Variants in RAB31 observed in about 807,000 individuals in gnomAD.
The protein encoded by RAB31 is RAB31, member RAS oncogene family.
RAB31 carries 21 observed loss-of-function variants against 25.6 expected under a neutral mutation model. The ratio of observed to expected loss-of-function variants is 0.82; its 90% CI spans 0.58 to 1.18. The LOEUF (loss-of-function observed/expected upper bound fraction) is 1.18, where lower values mean the gene tolerates loss of function less well. RAB31 is among the 50% of genes most tolerant of loss of function. RAB31 has a pLI of 0.00. For missense variants in RAB31, 196 were observed against 250.1 expected (o/e 0.78, Z 1.46); for synonymous variants, 87 against 84.0 (o/e 1.04, Z -0.20).
chr18:9,855,277 C>T (rs899453690), intron 6 of RAB31, among the ~76,000 whole-genome samples: 2 of 152,142 alleles, frequency 1.3e-5, no homozygotes, highest in African/African-American at 2.4e-5. Context: ...TTAAACTTCT[C>T]CTAGACAGCA....
At chr18:9,744,196 G>A (rs1366836790) in intron 1 of RAB31, among the ~76,000 whole-genome samples, 2 of 152,028 alleles carry the variant, frequency 1.3e-5, no homozygotes, top group Non-Finnish European at 2.9e-5. Flanking sequence ...ATTGTGTAGA[G>A]CATACCCTTC....
At chr18:9,830,515 G>A (rs1336714018) in intron 5 of RAB31, 1 of 151,934 alleles carries the variant, frequency 6.6e-6, no homozygotes, top group Non-Finnish European at 1.5e-5. Context: ...GCAACTTAGT[G>A]CAGACACCTG....
chr18:9,727,644 A>G (rs1360374531), intron 1 of RAB31, among the ~76,000 whole-genome samples: 1 of 152,232 alleles, frequency 6.6e-6, no homozygotes, highest in East Asian at 1.9e-4. Context: ...TGTATAATTA[A>G]GCCATTTTAA....
intron 1 of RAB31, among the ~76,000 whole-genome samples, chr18:9,726,460 A>G (rs1037126843): frequency 2.6e-5 from 4 of 152,198 alleles, no homozygotes; most frequent in African/African-American, 7.2e-5. Flanking sequence ...TCATTGCAAA[A>G]TACTGACAGT....
At chr18:9,737,891 C>T (rs2145469821) in intron 1 of RAB31, among the ~76,000 whole-genome samples, 1 of 152,292 alleles carries the variant, frequency 6.6e-6, no homozygotes, top group Admixed American at 6.5e-5. Flanking sequence ...TTTAAAAGCT[C>T]TTGTTACTGA....
At chr18:9,834,753 G>A (rs1029175623) in intron 5 of RAB31, among the ~76,000 whole-genome samples, 8 of 152,178 alleles carry the variant, frequency 5.3e-5, no homozygotes, top group African/African-American at 1.9e-4. Context: ...ATCAGCTACT[G>A]AGTGATTAAA....
chr18:9,712,141 T>C (rs2068020835), intron 1 of RAB31, among the ~76,000 whole-genome samples: 1 of 152,236 alleles, frequency 6.6e-6, no homozygotes, highest in Non-Finnish European at 1.5e-5. Context: ...TCCAAGCTTA[T>C]TTCTATTGGT....
At position 9,804,670 on chromosome 18, in the gene RAB31, A is replaced by G. The variant is rs566766422; in HGVS notation, c.202-9350A>G. 3.0e-4 allele frequency among the ~76,000 whole-genome samples: 46 copies of G among 152,302 alleles called. 1 individual carries two copies. Among genetic ancestry groups the G allele is most frequent in the Admixed American group, 2.0e-3 (30 of 15,300 alleles). ...TCACTCTTGAATAGGAAATTAGCAA[A>G]TAGACTTTGTTTGGTAACAGAAGAA... is the stretch of plus-strand genomic sequence containing the variant. On this transcript the variant is annotated intron_variant, in intron 3 of 6. Transcript: ENST00000578921.
chr18:9,806,321 C>T (rs916706992), intron 3 of RAB31, among the ~76,000 whole-genome samples: 3 of 152,210 alleles, frequency 2.0e-5, no homozygotes, highest in African/African-American at 4.8e-5. Flanking sequence ...TGCATTCAGT[C>T]ATTAAATATT....
chr18:9,801,477 T>A (rs1360455440), intron 3 of RAB31, among the ~76,000 whole-genome samples: 1 of 152,046 alleles, frequency 6.6e-6, no homozygotes, highest in African/African-American at 2.4e-5. Context: ...GAGACAGGGT[T>A]TTACCATGTT....
chr18:9,845,479 G>A, intron 5 of RAB31, 103 bp from the exon 6 acceptor site: 1 of 960,194 alleles, frequency 1.0e-6, no homozygotes. Context: ...TATTCTACAA[G>A]AAGATAAAGG....
chr18:9,777,754 CTTT>C (rs36009427), intron 2 of RAB31, among the ~76,000 whole-genome samples: 10 of 113,932 alleles, frequency 8.8e-5, no homozygotes, highest in African/African-American at 1.1e-4. Context: ...TTGTAATGAC[CTTT>C]TTTTTTTTTT....
At chr18:9,820,318 T>C (rs943343891) in intron 5 of RAB31, among the ~76,000 whole-genome samples, 1 of 152,140 alleles carries the variant, frequency 6.6e-6, no homozygotes, top group African/African-American at 2.4e-5. Context: ...GATTTTGGGA[T>C]GTTAAACTAG....
At chr18:9,775,401 C>T (rs373427461) in intron 2 of RAB31, 44 bp downstream of exon 2, 36 of 1,611,000 alleles carry the variant, frequency 2.2e-5, no homozygotes, top group Middle Eastern at 1.7e-4. Flanking sequence ...CTTCCTTTCA[C>T]GGCATCAGAA....
At chr18:9,764,941 T>G (rs1298739731) in intron 1 of RAB31, among the ~76,000 whole-genome samples, 2 of 151,532 alleles carry the variant, frequency 1.3e-5, no homozygotes, top group Admixed American at 1.3e-4. Context: ...GAACCCACCT[T>G]TTTCTTTCTT....
chr18:9,737,982 C>G (rs2068159002), intron 1 of RAB31, among the ~76,000 whole-genome samples: 1 of 152,178 alleles, frequency 6.6e-6, no homozygotes, highest in Admixed American at 6.5e-5. Context: ...TGGCAGGCAG[C>G]CAGCCGGCCG....
chr18:9,738,004 A>G (rs927597791), intron 1 of RAB31, among the ~76,000 whole-genome samples: 8 of 152,164 alleles, frequency 5.3e-5, no homozygotes, highest in Admixed American at 4.6e-4. Flanking sequence ...CATTTAAATG[A>G]TGCTTGCTGC....
chr18:9,785,785 G>A (rs892300071), intron 2 of RAB31, among the ~76,000 whole-genome samples: 1 of 152,026 alleles, frequency 6.6e-6, no homozygotes, highest in Non-Finnish European at 1.5e-5. Flanking sequence ...TGTAGGTCGG[G>A]CACAGTGGCT....
At chr18:9,822,490 A>G (rs2068628869) in intron 5 of RAB31, among the ~76,000 whole-genome samples, 1 of 152,170 alleles carries the variant, frequency 6.6e-6, no homozygotes, top group South Asian at 2.1e-4. Flanking sequence ...ACTTAAAAAT[A>G]TTTGCTCTGT....
Sources: allele counts gnomAD v4.1 joint callset (sites outside exome capture counted in the v4.1 genomes callset), GRCh38; gene constraint gnomAD v4.1.1; transcripts MANE v1.5; gene names NCBI Gene and HGNC (gene_info 2026-07-23, HGNC 2026-07-21).